PAK5: variants seen among roughly 807,000 people sequenced by gnomAD.
The protein encoded by PAK5 is serine/threonine-protein kinase PAK 5.
Under a neutral mutation model 65.9 loss-of-function variants are expected in PAK5, and 16 were observed. That is an observed-to-expected ratio of 0.24 (90% CI 0.16 to 0.37). PAK5 has a LOEUF of 0.37. Among genes scored for constraint, PAK5 ranks in the 10% least tolerant of loss-of-function variants. PAK5 has a pLI of 1.00. For missense variants in PAK5, 785 were observed against 903.9 expected (o/e 0.87, Z 1.69); for synonymous variants, 371 against 354.9 (o/e 1.05, Z -0.51).
intron 2 of PAK5, among the ~76,000 whole-genome samples, chr20:9,691,700 A>G (rs1314418994): frequency 6.6e-6 from 1 of 152,214 alleles, no homozygotes; most frequent in East Asian, 1.9e-4. Flanking sequence ...ATTATTTACA[A>G]TGAAAACTAC....
chr20:9,545,813 AGCTGAC>A (rs1351427067), intron 7 of PAK5, among the ~76,000 whole-genome samples: 2 of 152,172 alleles, frequency 1.3e-5, no homozygotes, highest in Non-Finnish European at 2.9e-5. Context: ...CTGCTCCAAA[AGCTGAC>A]CCCTTTCCTA....
At chr20:9,818,596 A>G (rs541718760) in intron 1 of PAK5, 1 of 152,364 alleles carries the variant, frequency 6.6e-6, no homozygotes, top group South Asian at 2.1e-4. Context: ...AATATATCTG[A>G]ACAGATGCAC....
chr20:9,637,226 T>C lies in PAK5; in HGVS notation c.204+6899A>G, dbSNP rs2046993683. ...GGTTTTGCTAGGTTGCCCAGGTTGG[T>C]CTCAAACTCCTGAACTCAAGCACTC... On this transcript the variant is annotated intron_variant, in intron 3 of 9. Transcript: ENST00000353224. 2.0e-5 allele frequency among the ~76,000 whole-genome samples: 3 copies of C among 152,112 alleles called. No homozygotes were observed. The South Asian group carries it at 6.2e-4, about 31-fold the overall frequency.
intron 1 of PAK5, among the ~76,000 whole-genome samples, chr20:9,734,948 T>C (rs759850850): frequency 2.0e-5 from 3 of 152,198 alleles, no homozygotes; most frequent in Non-Finnish European, 4.4e-5. Context: ...CTGTCATTTG[T>C]CAAAATTATT....
At chr20:9,705,810 T>C (rs1255803406) in intron 2 of PAK5, among the ~76,000 whole-genome samples, 1 of 152,066 alleles carries the variant, frequency 6.6e-6, no homozygotes, top group Non-Finnish European at 1.5e-5. Flanking sequence ...AAAGAACAGA[T>C]AGATTGTGAT....
chr20:9,769,937 G>A (rs551574308), intron 1 of PAK5, among the ~76,000 whole-genome samples: 1 of 152,332 alleles, frequency 6.6e-6, no homozygotes, highest in East Asian at 1.9e-4. Flanking sequence ...CTAGGAGAAT[G>A]TGTGATGTTA....
chr20:9,660,604 G>A (rs1265445347), intron 2 of PAK5, among the ~76,000 whole-genome samples: 8 of 152,118 alleles, frequency 5.3e-5, no homozygotes, highest in Non-Finnish European at 1.0e-4. Context: ...TGTGGCAGGG[G>A]AAAAGAATTT....
intron 2 of PAK5, among the ~76,000 whole-genome samples, chr20:9,650,894 T>C (rs2047194711): frequency 1.3e-5 from 2 of 152,230 alleles, no homozygotes; most frequent in Non-Finnish European, 2.9e-5. Context: ...TGTATTCCTT[T>C]ATAACTATTT....
At chr20:9,700,044 A>G (rs892498071) in intron 2 of PAK5, among the ~76,000 whole-genome samples, 2 of 152,160 alleles carry the variant, frequency 1.3e-5, no homozygotes, top group Non-Finnish European at 2.9e-5. Context: ...AGAATCACAC[A>G]TACATACATT....
At chr20:9,834,431 C>G (rs1314628210) in intron 1 of PAK5, among the ~76,000 whole-genome samples, 1 of 152,110 alleles carries the variant, frequency 6.6e-6, no homozygotes, top group Non-Finnish European at 1.5e-5. Context: ...CAGAAACACA[C>G]CAGGAACTTG....
chr20:9,800,009 A>AG (rs2049151467), intron 1 of PAK5, among the ~76,000 whole-genome samples: 1 of 151,852 alleles, frequency 6.6e-6, no homozygotes, highest in African/African-American at 2.4e-5. Context: ...GACAAATGAA[A>AG]GATAGTGTAG....
intron 3 of PAK5, among the ~76,000 whole-genome samples, chr20:9,594,599 T>C (rs1178134587): frequency 2.0e-5 from 3 of 152,202 alleles, no homozygotes; most frequent in Admixed American, 1.3e-4. Flanking sequence ...AGCCTGTATG[T>C]TGCAATCTGT....
chr20:9,544,628 G>C, intron 7 of PAK5, 134 bp from the exon 8 acceptor site: 2 of 754,752 alleles, frequency 2.6e-6, no homozygotes, highest in Non-Finnish European at 4.4e-6. Flanking sequence ...TCAGAGGAGG[G>C]ACTGTCAGAC....
chr20:9,660,768 G>T (rs879434954), intron 2 of PAK5, among the ~76,000 whole-genome samples: 15 of 152,190 alleles, frequency 9.9e-5, no homozygotes, highest in Middle Eastern at 6.8e-3. Context: ...TGGAGATGTG[G>T]ATATTCCTGG....
intron 2 of PAK5, among the ~76,000 whole-genome samples, chr20:9,692,775 T>C (rs1388949698): frequency 6.6e-6 from 1 of 152,128 alleles, no homozygotes; most frequent in Non-Finnish European, 1.5e-5. Context: ...TATCCTAGAA[T>C]GAGTGAGAGT....
intron 2 of PAK5, among the ~76,000 whole-genome samples, chr20:9,702,290 C>T (rs879578855): frequency 6.6e-6 from 1 of 152,084 alleles, no homozygotes; most frequent in Non-Finnish European, 1.5e-5. Flanking sequence ...GTTTCTGACT[C>T]CTAGAGAACA....
At chr20:9,755,907 C>T (rs1312802108) in intron 1 of PAK5, among the ~76,000 whole-genome samples, 1 of 152,156 alleles carries the variant, frequency 6.6e-6, no homozygotes, top group Non-Finnish European at 1.5e-5. Context: ...AAACAATTTG[C>T]CAAGAACCTG....
Position 9,554,583 on chromosome 20 carries a change from T to C in PAK5, c.1743+3025A>G, listed in dbSNP as rs1359619665. ...ACTGTTGACTTAAGACTCTAAATGT[T>C]GAGATGCTTCGTTATAACAGCAATA... On this transcript the variant is annotated intron_variant, in intron 7 of 9. Transcript: ENST00000353224. Among the ~76,000 whole-genome samples the C allele has an allele frequency of 2.6e-5, 4 of 152,326 alleles. No homozygotes were observed. In the East Asian group the frequency reaches 7.7e-4, roughly 29 times the overall value.
At position 9,544,330 on chromosome 20, in the gene PAK5, TC is replaced by T. The variant is rs1280897436; in HGVS notation, c.1869+38del. 10 of 1,605,250 alleles carry T rather than the reference TC, an allele frequency of 6.2e-6. No homozygotes were observed. The Admixed American group carries it at 6.7e-5, about 11-fold the overall frequency. ...CAGAACCAATGGGTCCCTGAGCCTG[TC>T]CCCAGTCCTGCCACGCCTATGACTG... is the stretch of plus-strand genomic sequence containing the variant. On this transcript the variant is annotated intron_variant, in intron 8 of 9. Transcript: ENST00000353224.
Sources: allele counts gnomAD v4.1 joint callset (sites outside exome capture counted in the v4.1 genomes callset), GRCh38; gene constraint gnomAD v4.1.1; transcripts MANE v1.5; gene names NCBI Gene and HGNC (gene_info 2026-07-23, HGNC 2026-07-21).